The following ST6GAL2 variants were observed in gnomAD, a reference collection of about 807,000 sequenced individuals.
ST6GAL2 encodes beta-galactoside alpha-2,6-sialyltransferase 2.
ST6GAL2 carries 24 observed loss-of-function variants against 37.5 expected under a neutral mutation model. The observed-to-expected ratio is 0.64, with a 90% CI of 0.46 to 0.90. The LOEUF is 0.90. Ranked by LOEUF, ST6GAL2 falls within the 40% of genes least tolerant of loss-of-function variation. The pLI is 0.00. For missense variants in ST6GAL2, 715 were observed against 712.7 expected, an observed-to-expected ratio of 1.00 and a Z score of -0.04; for synonymous variants, 306 against 295.1, an observed-to-expected ratio of 1.04 and a Z score of -0.38.
chr2:106,862,986 GT>G (rs1677870473), intron 1 of ST6GAL2, among the ~76,000 whole-genome samples: 1 of 64,748 alleles, frequency 1.5e-5, no homozygotes, highest in Non-Finnish European at 4.0e-5. Context: ...TAATGTAAAT[GT>G]CTTTTTTTTT....
At chr2:106,881,302 G>C (rs1030522841) in intron 1 of ST6GAL2, among the ~76,000 whole-genome samples, 1 of 151,990 alleles carries the variant, frequency 6.6e-6, no homozygotes, top group Non-Finnish European at 1.5e-5. Flanking sequence ...TTTCTAATGG[G>C]GTATAGTTTC....
chr2:106,811,251 G>T (rs540399897), intron 5 of ST6GAL2, among the ~76,000 whole-genome samples: 8 of 152,136 alleles, frequency 5.3e-5, no homozygotes, highest in Admixed American at 4.6e-4. Context: ...GTTAATAATA[G>T]TACTTAGCAA....
chr2:106,816,950 CG>C (rs1164142371), intron 5 of ST6GAL2, among the ~76,000 whole-genome samples: 22 of 152,268 alleles, frequency 1.4e-4, no homozygotes, highest in African/African-American at 5.3e-4. Flanking sequence ...CAATGGAACT[CG>C]GGGCTGCCCT....
rs754889727 is a variant in ST6GAL2 at position 106,830,256 on chromosome 2, T to C, written c.1144-16A>G. The C allele has an allele frequency of 6.3e-6, 10 of 1,596,076 alleles. No individual in the cohort carries two copies. The South Asian group carries it at 1.0e-4, about 16-fold the overall frequency. ...TTTTGTACCACTAAGGAAAAAAAAA[T>C]CAATGCAGTCAAGTAGAAAGAACTA... On this transcript the variant is annotated splice_polypyrimidine_tract_variant and intron_variant, in intron 4 of 5. Coordinates refer to ENST00000409382, the MANE Select transcript of ST6GAL2 (RefSeq NM_001142351.2).
chr2:106,884,965 G>T (rs547275703), intron 1 of ST6GAL2, among the ~76,000 whole-genome samples: 5 of 127,322 alleles, frequency 3.9e-5, no homozygotes, highest in East Asian at 4.2e-4. Context: ...ATACATATGT[G>T]TATGTATATA....
intron 1 of ST6GAL2, among the ~76,000 whole-genome samples, chr2:106,856,139 T>C (rs2104564843): frequency 6.6e-6 from 1 of 152,218 alleles, no homozygotes; most frequent in East Asian, 1.9e-4. Flanking sequence ...AAAGAGAAAA[T>C]GCAAATAAAC....
At chr2:106,840,606 CATAA>C (rs1676838260) in intron 2 of ST6GAL2, among the ~76,000 whole-genome samples, 3 of 152,190 alleles carry the variant, frequency 2.0e-5, no homozygotes, top group Non-Finnish European at 4.4e-5. Flanking sequence ...CAGTTCTAAT[CATAA>C]AGGCTCATGC....
At chr2:106,842,150 G>A (rs1250566029) in intron 2 of ST6GAL2, among the ~76,000 whole-genome samples, 1 of 152,196 alleles carries the variant, frequency 6.6e-6, no homozygotes, top group Admixed American at 6.5e-5. Flanking sequence ...CCCATCTGCT[G>A]GGCTGCACTA....
In ST6GAL2 at chr2:106,835,383, C is replaced by G. The variant is rs1043209267; in HGVS notation, c.944-1237G>C. ...CTCCTTTGGAGTTGTCTTCTTGCTCCCCAAATAGCAGAAACTCACCATGCA... is the reference window on the plus strand; with the variant it reads ...CTCCTTTGGAGTTGTCTTCTTGCTCGCCAAATAGCAGAAACTCACCATGCA... On this transcript the variant is annotated intron_variant, in intron 2 of 5. Transcript: ENST00000409382. 2.0e-5 allele frequency among the ~76,000 whole-genome samples: 3 copies of G among 152,208 alleles called. No individual in the cohort carries two copies. In the South Asian group the frequency reaches 6.2e-4, roughly 32 times the overall value.
intron 1 of ST6GAL2, among the ~76,000 whole-genome samples, chr2:106,844,786 T>C (rs1558703823): frequency 1.3e-5 from 2 of 152,112 alleles, no homozygotes; most frequent in African/African-American, 4.8e-5. Context: ...GGGAGAGAGC[T>C]TGCTGATTCT....
chr2:106,825,322 A>C (rs1016092001), intron 5 of ST6GAL2, among the ~76,000 whole-genome samples: 2 of 152,228 alleles, frequency 1.3e-5, no homozygotes, highest in Non-Finnish European at 2.9e-5. Context: ...AGGTTCATGC[A>C]GTAAGGTCTC....
chr2:106,828,350 C>A (rs1357330931), intron 5 of ST6GAL2, among the ~76,000 whole-genome samples: 1 of 152,082 alleles, frequency 6.6e-6, no homozygotes, highest in Non-Finnish European at 1.5e-5. Flanking sequence ...CCTTTGCTGA[C>A]AAACTAGATT....
intron 5 of ST6GAL2, among the ~76,000 whole-genome samples, chr2:106,819,392 A>G (rs1381403390): frequency 1.3e-5 from 2 of 152,274 alleles, no homozygotes; most frequent in African/African-American, 2.4e-5. Context: ...TGGAGCTCCA[A>G]TATGTTTGGT....
chr2:106,886,861 A>G (rs1436552223), upstream of ST6GAL2: 1 of 151,882 alleles, frequency 6.6e-6, no homozygotes, highest in South Asian at 2.1e-4. Flanking sequence ...CTTGTCGCGG[A>G]GAGTGACTGC....
chr2:106,862,189 G>C (rs1213756102), intron 1 of ST6GAL2, among the ~76,000 whole-genome samples: 1 of 152,190 alleles, frequency 6.6e-6, no homozygotes, highest in Non-Finnish European at 1.5e-5. Flanking sequence ...TGCTGCACCA[G>C]AGTCGTGAAG....
At chr2:106,840,157 A>C (rs1676817595) in intron 2 of ST6GAL2, among the ~76,000 whole-genome samples, 1 of 152,168 alleles carries the variant, frequency 6.6e-6, no homozygotes, top group Non-Finnish European at 1.5e-5. Flanking sequence ...ATCATCTGAG[A>C]CACTTCCTAG....
intron 1 of ST6GAL2, among the ~76,000 whole-genome samples, chr2:106,852,523 T>C (rs1322703062): frequency 3.3e-5 from 5 of 152,240 alleles, no homozygotes; most frequent in African/African-American, 1.2e-4. Context: ...GACTACATCT[T>C]ATTCATTCTT....
intron 5 of ST6GAL2, among the ~76,000 whole-genome samples, chr2:106,810,522 A>G (rs1481055176): frequency 1.3e-5 from 2 of 152,214 alleles, no homozygotes; most frequent in Non-Finnish European, 2.9e-5. Flanking sequence ...TGAAACTATG[A>G]ACCATGGCTT....
intron 1 of ST6GAL2, among the ~76,000 whole-genome samples, chr2:106,875,595 G>T (rs957795222): frequency 2.6e-5 from 4 of 152,206 alleles, no homozygotes; most frequent in African/African-American, 9.7e-5. Context: ...TACGGGAAAG[G>T]CCTGGATTGG....
Sources: gnomAD v4.1 joint callset for allele counts (sites outside exome capture counted in the v4.1 genomes callset) on GRCh38, gnomAD v4.1.1 for gene constraint, MANE v1.5 for transcripts, NCBI Gene and HGNC (gene_info 2026-07-23, HGNC 2026-07-21) for gene names.